The following DOK6 variants were observed in gnomAD, a reference collection of about 807,000 sequenced individuals.
DOK6 encodes the protein downstream of tyrosine kinase 6.
A neutral mutation model predicts 44.0 loss-of-function variants in DOK6; 22 were observed. The observed-to-expected ratio is 0.50, with a 90% CI of 0.36 to 0.71. The LOEUF is 0.71. DOK6 is among the 30% of genes least tolerant of loss of function. The pLI, the probability that DOK6 is intolerant of heterozygous loss-of-function variation, is 0.00. For synonymous variants in DOK6, 166 were observed against 145.5 expected (o/e 1.14, Z -1.01); for missense variants, 340 against 416.4 (o/e 0.82, Z 1.60).
chr18:69,553,155 A>T (rs1982606144), intron 1 of DOK6, among the ~76,000 whole-genome samples: 1 of 152,232 alleles, frequency 6.6e-6, no homozygotes, highest in Admixed American at 6.5e-5. Context: ...ATGTTGCTGC[A>T]GGTGGGAAAA....
chr18:69,549,276 T>C (rs1489649857), intron 1 of DOK6, among the ~76,000 whole-genome samples: 1 of 151,502 alleles, frequency 6.6e-6, no homozygotes, highest in African/African-American at 2.4e-5. Flanking sequence ...ATGTGGAATA[T>C]CATTATTGTA....
chr18:69,538,994 G>A (rs1355811336), intron 1 of DOK6, among the ~76,000 whole-genome samples: 1 of 152,094 alleles, frequency 6.6e-6, no homozygotes, highest in African/African-American at 2.4e-5. Context: ...GAGAATTGAG[G>A]GACAGAGTGC....
chr18:69,630,915 T>C (rs1984675621), intron 3 of DOK6, among the ~76,000 whole-genome samples: 1 of 152,198 alleles, frequency 6.6e-6, no homozygotes, highest in South Asian at 2.1e-4. Flanking sequence ...AAAAAGTAGA[T>C]GCCCCAAGTA....
chr18:69,573,802 C>T (rs373529786), intron 2 of DOK6, among the ~76,000 whole-genome samples: 3 of 151,944 alleles, frequency 2.0e-5, no homozygotes, highest in Non-Finnish European at 1.5e-5. Context: ...TCCCTTAGGA[C>T]GTACATCTGG....
chr18:69,654,785 C>G (rs1985319746), intron 3 of DOK6, among the ~76,000 whole-genome samples: 2 of 152,142 alleles, frequency 1.3e-5, no homozygotes, highest in Non-Finnish European at 2.9e-5. Flanking sequence ...TCATTGGACA[C>G]AGTGGTGCAC....
intron 2 of DOK6, among the ~76,000 whole-genome samples, chr18:69,585,651 T>C (rs1403010281): frequency 3.9e-5 from 6 of 152,238 alleles, no homozygotes; most frequent in Non-Finnish European, 8.8e-5. Context: ...TATAATTTAC[T>C]GGACAAAAGT....
intron 1 of DOK6, among the ~76,000 whole-genome samples, chr18:69,521,320 T>C (rs1981678436): frequency 6.6e-6 from 1 of 151,882 alleles, no homozygotes; most frequent in Non-Finnish European, 1.5e-5. Flanking sequence ...TCAAGGTTCC[T>C]GTATTTTAAA....
chr18:69,611,958 A>G (rs1179070007), intron 3 of DOK6, among the ~76,000 whole-genome samples: 2 of 151,718 alleles, frequency 1.3e-5, no homozygotes, highest in African/African-American at 4.8e-5. Context: ...TTACACACAC[A>G]CACACACACG....
At chr18:69,786,486 G>T (rs1021584443) in intron 7 of DOK6, among the ~76,000 whole-genome samples, 2 of 152,118 alleles carry the variant, frequency 1.3e-5, no homozygotes, top group Non-Finnish European at 1.5e-5. Flanking sequence ...TGAAATAACG[G>T]TAATGTTATA....
chr18:69,625,652 G>GA (rs1217910047), intron 3 of DOK6, among the ~76,000 whole-genome samples: 2 of 152,182 alleles, frequency 1.3e-5, no homozygotes, highest in Non-Finnish European at 2.9e-5. Flanking sequence ...AATTGCTTCA[G>GA]AAAATACACA....
chr18:69,578,751 T>G (rs2144608215), intron 2 of DOK6, among the ~76,000 whole-genome samples: 1 of 152,262 alleles, frequency 6.6e-6, no homozygotes, highest in African/African-American at 2.4e-5. Flanking sequence ...GAGAATAAAT[T>G]GTTTCCTACC....
intron 1 of DOK6, among the ~76,000 whole-genome samples, chr18:69,420,092 A>G (rs1218367643): frequency 6.6e-6 from 1 of 152,110 alleles, no homozygotes; most frequent in Non-Finnish European, 1.5e-5. Flanking sequence ...TTTTTTGTGA[A>G]CATACTAAAA....
intron 1 of DOK6, among the ~76,000 whole-genome samples, chr18:69,509,494 C>A (rs1023393798): frequency 2.6e-5 from 4 of 151,848 alleles, no homozygotes; most frequent in South Asian, 2.1e-4. Context: ...AAAAATTAGC[C>A]GGGCGTGGTG....
intron 3 of DOK6, among the ~76,000 whole-genome samples, chr18:69,634,033 A>C (rs1368205971): frequency 1.3e-5 from 2 of 152,092 alleles, no homozygotes; most frequent in Non-Finnish European, 2.9e-5. Context: ...TCTAATCATA[A>C]CTAGAGGAAT....
chr18:69,434,911 GCT>G lies in DOK6; in HGVS notation c.66+33604_66+33605del, dbSNP rs1978907750. Among the ~76,000 whole-genome samples, 5 of 129,826 alleles carry G rather than the reference GCT, an allele frequency of 3.9e-5. No homozygotes were observed. In the South Asian group the frequency reaches 1.4e-3, roughly 36 times the overall value. The allele number at this position is 129,826 out of a possible 152,430, so 85.2% of individuals were successfully genotyped here. A position where few individuals can be genotyped will look rare whatever the true frequency, so the allele number is the denominator to read the frequency against. ...CACTCCAGTCTGGCGACAGAGCGAG[GCT>G]CTGTCAAAAGAAAAAAGGGAGGGAG... is the stretch of plus-strand genomic sequence containing the variant. On this transcript the variant is annotated intron_variant, in intron 1 of 7. Transcript: ENST00000382713.
rs190680596 is a variant in DOK6, at chr18:69,800,731, C to T, written c.857-40513C>T. ...CTTATTTAACCTGGCCTCTCTGAAT[C>T]AACCACTGAGCAGTTTGGACACTGC... On this transcript the variant is annotated intron_variant, in intron 7 of 7. Coordinates refer to ENST00000382713, the MANE Select transcript of DOK6 (RefSeq NM_152721.6). 3.0e-3 allele frequency among the ~76,000 whole-genome samples: 453 copies of T among 152,234 alleles called. 2 individuals are homozygous for T. Among genetic ancestry groups the T allele is most frequent in the African/African-American group, 7.6e-3 (314 of 41,558 alleles).
At chr18:69,656,333 A>G (rs1024015144) in intron 3 of DOK6, among the ~76,000 whole-genome samples, 1 of 152,246 alleles carries the variant, frequency 6.6e-6, no homozygotes, top group Non-Finnish European at 1.5e-5. Flanking sequence ...CCAAAAACAT[A>G]TTCTTTAGGA....
chr18:69,437,492 C>T (rs1979013842), intron 1 of DOK6, among the ~76,000 whole-genome samples: 1 of 152,012 alleles, frequency 6.6e-6, no homozygotes, highest in Non-Finnish European at 1.5e-5. Context: ...ATTTGTGAGT[C>T]CTCTGTTCTG....
intron 2 of DOK6, among the ~76,000 whole-genome samples, chr18:69,586,212 C>T (rs1010732171): frequency 2.0e-5 from 3 of 152,232 alleles, no homozygotes; most frequent in East Asian, 3.9e-4. Flanking sequence ...ATATTAGCCA[C>T]GTATTTTCTC....
Sources: gnomAD v4.1 joint callset for allele counts (sites outside exome capture counted in the v4.1 genomes callset) on GRCh38, gnomAD v4.1.1 for gene constraint, MANE v1.5 for transcripts, NCBI Gene and HGNC (gene_info 2026-07-23, HGNC 2026-07-21) for gene names.